Variants in DMD observed in about 807,000 individuals in gnomAD.
The protein encoded by DMD is mutant dystrophin.
Under a neutral mutation model 330.1 loss-of-function variants are expected in DMD, and 63 were observed. That is an observed-to-expected ratio of 0.19 (90% CI 0.16 to 0.24). DMD has a LOEUF of 0.24. DMD is among the 10% of genes least tolerant of loss of function. DMD has a pLI of 1.00. For synonymous variants in DMD, 1,223 were observed against 959.8 expected, an observed-to-expected ratio of 1.27 and a Z score of -5.07; for missense variants, 3,344 against 2,684.1, an observed-to-expected ratio of 1.25 and a Z score of -5.43.
At chrX:31,364,830 G>A (rs916909758) in intron 60 of DMD, among the ~76,000 whole-genome samples, 3 of 111,212 alleles carry the variant, frequency 2.7e-5, no homozygotes, top group Admixed American at 9.6e-5. Context: ...GGGTGCGGTG[G>A]CTCACGCATG....
intron 20 of DMD, among the ~76,000 whole-genome samples, chrX:32,485,774 G>A (rs193276877): frequency 0.012 from 775 of 62,650 alleles, 16 homozygotes; most frequent in African/African-American, 0.045. Context: ...ACAGAGTCTC[G>A]CTCTTGTTGC....
chrX:33,004,782 GA>G (rs201360706), intron 2 of DMD, among the ~76,000 whole-genome samples: 3,161 of 110,923 alleles, frequency 0.028, 53 homozygotes, highest in South Asian at 0.083. Context: ...CTTTCTCCTT[GA>G]TTTCCTTTTG....
rs398123975 is a variant in DMD, at chrX:32,365,023, C to G, written c.5022G>C (p.Leu1674Phe). The G allele has an allele frequency of 3.3e-6, 4 of 1,210,615 alleles. No individual in the cohort carries two copies. Among genetic ancestry groups the G allele is most frequent in the Non-Finnish European group, 4.5e-6 (4 of 894,817 alleles). ...TSRAEEWLNL[L>F]LEYQKHMETF... is the part of the protein sequence containing the mutation. The stretch of plus-strand genomic sequence containing the variant: ...AGCTTCTAGCCTTTTCTCTTACCAA[C>G]AAAAGATTTAACCACTCTTCTGCTC... Residue 1674 changes from leucine to phenylalanine, a missense_variant, in exon 35 of 79, where the codon TTG (leucine) becomes TTC (phenylalanine). By Grantham distance (22) the Leu-to-Phe change is conservative (BLOSUM62 0). Transcript: ENST00000357033.
chrX:32,953,301 C>A (rs953550272), intron 2 of DMD, among the ~76,000 whole-genome samples: 10 of 110,918 alleles, frequency 9.0e-5, no homozygotes. Flanking sequence ...AAGAGATATA[C>A]AAGATGGGTA....
At chrX:31,484,395 TTAAGA>T in intron 57 of DMD, among the ~76,000 whole-genome samples, 1 of 112,001 alleles carries the variant, frequency 8.9e-6, no homozygotes, top group East Asian at 2.8e-4. Flanking sequence ...CATTCAGATG[TTAAGA>T]TAATTACTTC....
intron 44 of DMD, among the ~76,000 whole-genome samples, chrX:31,976,278 G>C (rs1284690218): frequency 1.8e-5 from 2 of 111,322 alleles, no homozygotes; most frequent in East Asian, 5.7e-4. Flanking sequence ...CAATCAGACA[G>C]TTGAAGATAC....
chrX:32,589,956 T>C (rs761660898), intron 13 of DMD, among the ~76,000 whole-genome samples: 2 of 111,555 alleles, frequency 1.8e-5, no homozygotes, highest in African/African-American at 3.3e-5. Flanking sequence ...CGAACACTCA[T>C]AGAGAAAGAT....
At chrX:31,216,157 G>C (rs1340065816) in intron 64 of DMD, among the ~76,000 whole-genome samples, 1 of 112,110 alleles carries the variant, frequency 8.9e-6, no homozygotes. Context: ...ATAAACTGAC[G>C]AGAAAGACTT....
At chrX:32,852,097 C>A (rs1200539646) in intron 2 of DMD, among the ~76,000 whole-genome samples, 7 of 111,833 alleles carry the variant, frequency 6.3e-5, no homozygotes, top group Admixed American at 1.9e-4. Flanking sequence ...CCTCTAACCC[C>A]TAACAGTGCA....
chrX:31,781,764 T>A (rs1265381863), intron 50 of DMD, among the ~76,000 whole-genome samples: 1 of 111,518 alleles, frequency 9.0e-6, no homozygotes, highest in African/African-American at 3.3e-5. Flanking sequence ...CTGTGCATTG[T>A]AGGATCAGAA....
rs1264582369 is a variant in DMD, at chrX:31,859,323, AG to A, written c.7098+15864del. On this transcript the variant is annotated intron_variant, in intron 48 of 78. Coordinates refer to ENST00000357033, the MANE Select transcript of DMD (RefSeq NM_004006.3). ...AAGAGACTGGTGAAATCACTATTTC[AG>A]AGTGAGATGATAATTTTTTCTCACT... 9.8e-5 allele frequency among the ~76,000 whole-genome samples: 11 copies of A among 112,252 alleles called. No homozygotes were observed. The Admixed American group carries it at 1.0e-3, about 11-fold the overall frequency.
intron 38 of DMD, among the ~76,000 whole-genome samples, chrX:32,347,172 G>A (rs765555680): frequency 9.0e-6 from 1 of 111,350 alleles, no homozygotes; most frequent in Admixed American, 9.6e-5. Flanking sequence ...GCATAATATA[G>A]ACACATTATA....
chrX:31,204,613 T>C (rs2043873696), intron 66 of DMD, among the ~76,000 whole-genome samples: 1 of 111,736 alleles, frequency 8.9e-6, no homozygotes, highest in Admixed American at 9.4e-5. Context: ...ATACTGTGCA[T>C]AGTTTGTTGT....
chrX:32,371,005 G>A (rs988300100), intron 34 of DMD, among the ~76,000 whole-genome samples: 2 of 110,839 alleles, frequency 1.8e-5, no homozygotes, highest in Admixed American at 9.7e-5. Context: ...AATTAAATCA[G>A]AATCTCTGGA....
At chrX:31,831,883 C>T (rs2002831) in intron 49 of DMD, among the ~76,000 whole-genome samples, 18,864 of 111,748 alleles carry the variant, frequency 0.17, 1,201 homozygotes, top group East Asian at 0.37. Flanking sequence ...ATTACAGGCG[C>T]GAGCCACCGC....
At chrX:31,962,985 G>A (rs2095320391) in intron 45 of DMD, among the ~76,000 whole-genome samples, 2 of 111,833 alleles carry the variant, frequency 1.8e-5, no homozygotes, top group South Asian at 7.4e-4. Flanking sequence ...TTAATTTGTA[G>A]GAAATAAGAT....
intron 42 of DMD, among the ~76,000 whole-genome samples, chrX:32,293,316 G>T (rs1043231477): frequency 1.8e-5 from 2 of 112,084 alleles, no homozygotes; most frequent in African/African-American, 6.5e-5. Context: ...AGGGTGAAAA[G>T]AGTGAGAAGA....
intron 52 of DMD, among the ~76,000 whole-genome samples, chrX:31,704,352 T>A (rs2084025316): frequency 9.0e-6 from 1 of 111,114 alleles, no homozygotes; most frequent in Non-Finnish European, 1.9e-5. Context: ...AAGAAAGACC[T>A]GGAGAGAGAC....
chrX:31,576,867 C>G (rs1206010327), intron 55 of DMD, among the ~76,000 whole-genome samples: 1 of 109,337 alleles, frequency 9.1e-6, no homozygotes, highest in Non-Finnish European at 1.9e-5. Flanking sequence ...AGGCGCCCAC[C>G]ACCACGCCCG....
Sources: allele counts gnomAD v4.1 joint callset (sites outside exome capture counted in the v4.1 genomes callset), GRCh38; gene constraint gnomAD v4.1.1; transcripts MANE v1.5; gene names NCBI Gene and HGNC (gene_info 2026-07-23, HGNC 2026-07-21).